ZDHHC14: variants seen among roughly 807,000 people sequenced by gnomAD.
ZDHHC14 encodes zDHHC palmitoyltransferase 14, also known as palmitoyltransferase ZDHHC14.
ZDHHC14 carries 16 observed loss-of-function variants against 47.7 expected under a neutral mutation model. The ratio of observed to expected loss-of-function variants is 0.34; its 90% confidence interval spans 0.23 to 0.51. The LOEUF is 0.51. ZDHHC14 is among the 20% of genes least tolerant of loss of function. The probability of loss-of-function intolerance (pLI) is 0.97; values close to 1 mark genes in which losing one functional copy is unlikely to be tolerated. For missense variants in ZDHHC14, 515 were observed against 662.5 expected (o/e 0.78, Z 2.44); for synonymous variants, 293 against 278.9 (o/e 1.05, Z -0.50).
chr6:157,470,930 G>A (rs1779338527), intron 1 of ZDHHC14, among the ~76,000 whole-genome samples: 1 of 152,168 alleles, frequency 6.6e-6, no homozygotes, highest in Admixed American at 6.5e-5. Context: ...GCCTGGTGAA[G>A]CTGGGAAAGG....
At chr6:157,394,128 G>A (rs1371955879) in intron 1 of ZDHHC14, among the ~76,000 whole-genome samples, 1 of 152,148 alleles carries the variant, frequency 6.6e-6, no homozygotes, top group Non-Finnish European at 1.5e-5. Context: ...TTGCAGAACT[G>A]TGGCCTGGGA....
intron 8 of ZDHHC14, among the ~76,000 whole-genome samples, chr6:157,660,151 G>A (rs1344861368): frequency 6.6e-6 from 1 of 151,660 alleles, no homozygotes; most frequent in East Asian, 1.9e-4. Context: ...CACAGCTAGA[G>A]ATGCCAGGCC....
chr6:157,460,410 A>G (rs1446181671), intron 1 of ZDHHC14, among the ~76,000 whole-genome samples: 3 of 89,066 alleles, frequency 3.4e-5, no homozygotes, highest in Non-Finnish European at 7.8e-5. Flanking sequence ...CTCTGGAAAA[A>G]AAAAAAAAAA....
intron 2 of ZDHHC14, among the ~76,000 whole-genome samples, chr6:157,589,479 G>T (rs971026261): frequency 2.6e-5 from 4 of 152,150 alleles, no homozygotes; most frequent in Non-Finnish European, 5.9e-5. Flanking sequence ...TCATGGGAGG[G>T]ACCCAGTGGG....
chr6:157,510,744 G>A (rs1780445521), intron 1 of ZDHHC14, among the ~76,000 whole-genome samples: 1 of 152,216 alleles, frequency 6.6e-6, no homozygotes, highest in African/African-American at 2.4e-5. Context: ...AGGGGCCCGG[G>A]GTCCACGTGG....
Position 157,672,735 on chromosome 6 carries a change from C to A in ZDHHC14, c.1080C>A (p.Asp360Glu), listed in dbSNP as rs769794912. 1 of 1,576,142 alleles carries A rather than the reference C, an allele frequency of 6.3e-7. No homozygotes were observed. Among genetic ancestry groups the A allele is most frequent in the East Asian group, 2.4e-5 (1 of 42,460 alleles). Residue 360 changes from aspartate (D) to glutamate (E), a missense_variant, in exon 9 of 9, where the codon GAC becomes GAA. By Grantham distance (45) the Asp-to-Glu change is conservative. Coordinates refer to ENST00000359775, the MANE Select transcript of ZDHHC14 (RefSeq NM_024630.3). ...CTCCCGCTCTCCAGTGCGACCAAGACCAGTGCATTCAGAGCACCAAATTCG... is the reference window on the plus strand; with the variant it reads ...CTCCCGCTCTCCAGTGCGACCAAGAACAGTGCATTCAGAGCACCAAATTCG... ...TQSQSDMCDQDQCIQSTKFVL... is the reference protein window; with the variant it reads ...TQSQSDMCDQEQCIQSTKFVL...
chr6:157,640,397 T>C (rs1777193486), intron 5 of ZDHHC14, among the ~76,000 whole-genome samples: 1 of 152,122 alleles, frequency 6.6e-6, no homozygotes, highest in African/African-American at 2.4e-5. Context: ...CTAATACACA[T>C]GGTCTGTTTT....
At chr6:157,560,796 A>G (rs1339322279) in intron 2 of ZDHHC14, among the ~76,000 whole-genome samples, 1 of 152,214 alleles carries the variant, frequency 6.6e-6, no homozygotes, top group Admixed American at 6.5e-5. Context: ...TTGTGTTTTC[A>G]TCTGGATAAT....
At chr6:157,629,401 A>C (rs934769143) in intron 4 of ZDHHC14, 5 of 152,178 alleles carry the variant, frequency 3.3e-5, no homozygotes, top group African/African-American at 7.2e-5. Context: ...TGTTTCCGTA[A>C]GTATCTGCAC....
In ZDHHC14 at chr6:157,593,005, A is replaced by G. The variant is rs1783976917; in HGVS notation, c.424A>G (p.Ser142Gly). ...CTCCACAGATATCGCAAACGGCACC[A>G]GTTCAGGGGGGTACCGCCCGCCTCC... is the stretch of plus-strand genomic sequence containing the variant. Reference protein sequence around the residue: ...ERQIDIANGTSSGGYRPPPRT... With the variant: ...ERQIDIANGTGSGGYRPPPRT... Residue 142 changes from serine to glycine, a missense_variant, in exon 3 of 9, where the codon AGT becomes GGT. Physicochemically the swap from Ser to Gly is moderately conservative, Grantham distance 56. Around this residue, in one of 4 missense-constraint regions of ZDHHC14, gnomAD observed 229 missense variants for 351.5 expected, o/e 0.65. Transcript: ENST00000359775. 1.2e-6 allele frequency: 2 copies of G among 1,611,728 alleles called. No homozygotes were observed. The highest frequency in any genetic ancestry group is 1.7e-6 in the Non-Finnish European group (2 of 1,179,280).
chr6:157,592,740 G>A (rs1421409660), intron 2 of ZDHHC14: 3 of 1,247,746 alleles, frequency 2.4e-6, no homozygotes, highest in Non-Finnish European at 3.0e-6. Context: ...CTGGCTGGGT[G>A]GGGCCATGTG....
intron 1 of ZDHHC14, among the ~76,000 whole-genome samples, chr6:157,488,697 T>G (rs1779838939): frequency 6.6e-6 from 1 of 152,098 alleles, no homozygotes; most frequent in South Asian, 2.1e-4. Flanking sequence ...TCACTACCAG[T>G]TTAGTATTTG....
At chr6:157,624,265 C>A (rs760428806) in intron 3 of ZDHHC14, among the ~76,000 whole-genome samples, 6 of 152,184 alleles carry the variant, frequency 3.9e-5, no homozygotes, top group Non-Finnish European at 8.8e-5. Flanking sequence ...CTCCTCTGAG[C>A]GCATTCAGAG....
chr6:157,606,948 G>T (rs1784561820), intron 3 of ZDHHC14, among the ~76,000 whole-genome samples: 1 of 152,154 alleles, frequency 6.6e-6, no homozygotes, highest in African/African-American at 2.4e-5. Context: ...ATTTTATATG[G>T]TGTCATGGTT....
intron 1 of ZDHHC14, among the ~76,000 whole-genome samples, chr6:157,449,131 A>G (rs563370346): frequency 3.9e-5 from 6 of 152,300 alleles, no homozygotes; most frequent in Non-Finnish European, 8.8e-5. Flanking sequence ...CAAACATTTC[A>G]GTTGATGGAT....
intron 2 of ZDHHC14, among the ~76,000 whole-genome samples, chr6:157,548,076 T>C (rs1212350742): frequency 6.6e-6 from 1 of 151,508 alleles, no homozygotes; most frequent in African/African-American, 2.4e-5. Flanking sequence ...ATACTAGTTG[T>C]CCATACTGTT....
intron 5 of ZDHHC14, among the ~76,000 whole-genome samples, chr6:157,643,155 C>G (rs1777339084): frequency 6.6e-6 from 1 of 152,210 alleles, no homozygotes; most frequent in Non-Finnish European, 1.5e-5. Flanking sequence ...CTGACACACC[C>G]CAGTGATGCC....
intron 3 of ZDHHC14, among the ~76,000 whole-genome samples, chr6:157,597,878 C>T (rs1001952798): frequency 2.0e-5 from 3 of 152,248 alleles, no homozygotes; most frequent in Admixed American, 1.3e-4. Context: ...AACCTCCAGG[C>T]GCCCTCTGCA....
In ZDHHC14 at chr6:157,386,470, G is replaced by A. The variant is rs139358315; in HGVS notation, c.245+4204G>A. On this transcript the variant is annotated intron_variant, in intron 1 of 8. Transcript: ENST00000359775. ...ATGGGAGTCCTTCAGGGATGTCTGGGGACCTGTCCTTATCCAGACTGGATT... is the reference window on the plus strand; with the variant it reads ...ATGGGAGTCCTTCAGGGATGTCTGGAGACCTGTCCTTATCCAGACTGGATT... Among the ~76,000 whole-genome samples, 126 of 152,262 alleles carry A rather than the reference G, an allele frequency of 8.3e-4. No individual in the cohort carries two copies. In the East Asian group the frequency reaches 0.021, roughly 26 times the overall value.
Sources: allele counts gnomAD v4.1 joint callset (sites outside exome capture counted in the v4.1 genomes callset), GRCh38; gene constraint gnomAD v4.1.1; regional missense constraint gnomAD v4.1.1; transcripts MANE v1.5; gene names NCBI Gene and HGNC (gene_info 2026-07-23, HGNC 2026-07-21).